Variants in GABBR2 observed in about 807,000 individuals in gnomAD.
GABBR2 encodes G-protein coupled receptor 51.
Under a neutral mutation model 105.6 loss-of-function variants are expected in GABBR2, and 23 were observed. The observed-to-expected ratio is 0.22, with a 90% CI of 0.16 to 0.31. The LOEUF is 0.31. Among genes scored for constraint, GABBR2 ranks in the 10% least tolerant of loss-of-function variants. The pLI, the probability that GABBR2 is intolerant of heterozygous loss-of-function variation, is 1.00. For missense variants in GABBR2, 734 were observed against 1,245.5 expected (o/e 0.59, Z 6.18); for synonymous variants, 478 against 499.7 (o/e 0.96, Z 0.58).
chr9:98,380,872 C>T (rs1831963120), intron 11 of GABBR2, among the ~76,000 whole-genome samples: 1 of 152,166 alleles, frequency 6.6e-6, no homozygotes. Flanking sequence ...AGGTTTCTGC[C>T]TGAGGGGGTA....
At chr9:98,539,635 C>G (rs1347800481) in intron 3 of GABBR2, among the ~76,000 whole-genome samples, 1 of 152,062 alleles carries the variant, frequency 6.6e-6, no homozygotes, top group Non-Finnish European at 1.5e-5. Context: ...AAAAGCAGGT[C>G]TGGCCGGGCC....
At chr9:98,549,552 T>C (rs1192855571) in intron 2 of GABBR2, among the ~76,000 whole-genome samples, 1 of 152,204 alleles carries the variant, frequency 6.6e-6, no homozygotes, top group Non-Finnish European at 1.5e-5. Context: ...TTAAGGTTCA[T>C]GATTGGTACC....
intron 1 of GABBR2, among the ~76,000 whole-genome samples, chr9:98,624,921 G>A (rs1228487073): frequency 6.6e-6 from 1 of 152,096 alleles, no homozygotes; most frequent in Non-Finnish European, 1.5e-5. Flanking sequence ...TGGAGAGGAG[G>A]GATCAGCCTG....
chr9:98,601,180 A>T (rs1227406635), intron 1 of GABBR2, among the ~76,000 whole-genome samples: 1 of 152,226 alleles, frequency 6.6e-6, no homozygotes, highest in Non-Finnish European at 1.5e-5. Flanking sequence ...CAGAATACCA[A>T]TGTAGATTGT....
intron 1 of GABBR2, among the ~76,000 whole-genome samples, chr9:98,654,376 C>T (rs1426647048): frequency 6.6e-6 from 1 of 152,122 alleles, no homozygotes; most frequent in Non-Finnish European, 1.5e-5. Flanking sequence ...CTTTAAGAGC[C>T]CATAATGGGG....
chr9:98,625,705 T>A (rs1224162173), intron 1 of GABBR2, among the ~76,000 whole-genome samples: 7 of 152,168 alleles, frequency 4.6e-5, no homozygotes, highest in Non-Finnish European at 7.3e-5. Context: ...CCCTCCGTCT[T>A]TAAGACAGAC....
At chr9:98,465,525 G>T (rs1826530552) in intron 6 of GABBR2, among the ~76,000 whole-genome samples, 1 of 152,200 alleles carries the variant, frequency 6.6e-6, no homozygotes, top group Non-Finnish European at 1.5e-5. Flanking sequence ...CCAGTTAAAG[G>T]ACTTCCAGGT....
At chr9:98,587,371 T>C (rs1208742280) in intron 1 of GABBR2, among the ~76,000 whole-genome samples, 1 of 152,210 alleles carries the variant, frequency 6.6e-6, no homozygotes, top group African/African-American at 2.4e-5. Flanking sequence ...TCCTACATCA[T>C]ACAGAGCTTG....
intron 1 of GABBR2, among the ~76,000 whole-genome samples, chr9:98,634,345 C>T (rs769968167): frequency 3.0e-4 from 46 of 152,206 alleles, no homozygotes; most frequent in African/African-American, 1.1e-3. Flanking sequence ...CCACCTGGAA[C>T]CCCAGAATGT....
At chr9:98,533,329 T>C (rs1478768153) in intron 3 of GABBR2, among the ~76,000 whole-genome samples, 1 of 152,124 alleles carries the variant, frequency 6.6e-6, no homozygotes, top group African/African-American at 2.4e-5. Context: ...CATTCCCTGC[T>C]GCTCTTCCAG....
intron 8 of GABBR2, among the ~76,000 whole-genome samples, chr9:98,397,831 G>A (rs763816550): frequency 5.3e-5 from 8 of 152,174 alleles, no homozygotes; most frequent in Non-Finnish European, 1.2e-4. Context: ...TCCTGTGTGT[G>A]TCCAGGGCTT....
chr9:98,521,845 A>G (rs1827873922), intron 3 of GABBR2, among the ~76,000 whole-genome samples: 1 of 152,214 alleles, frequency 6.6e-6, no homozygotes, highest in African/African-American at 2.4e-5. Context: ...CATAAAATGC[A>G]TATGGAACCT....
intron 7 of GABBR2, among the ~76,000 whole-genome samples, chr9:98,425,633 C>T (rs1228636206): frequency 1.3e-5 from 2 of 152,198 alleles, no homozygotes; most frequent in Admixed American, 6.5e-5. Context: ...ACCAGGTGGG[C>T]CACAGGCCTG....
intron 11 of GABBR2, among the ~76,000 whole-genome samples, chr9:98,376,245 A>C (rs1831871757): frequency 6.6e-6 from 1 of 152,212 alleles, no homozygotes; most frequent in South Asian, 2.1e-4. Flanking sequence ...GGGAGGGTGA[A>C]GGGCTTTCAC....
chr9:98,486,790 G>T (rs888402631), intron 4 of GABBR2, among the ~76,000 whole-genome samples: 2 of 152,250 alleles, frequency 1.3e-5, no homozygotes, highest in Non-Finnish European at 2.9e-5. Context: ...TGCCCCAACT[G>T]TCTGGCTGTA....
intron 1 of GABBR2, among the ~76,000 whole-genome samples, chr9:98,608,303 C>G (rs1829460026): frequency 6.6e-6 from 1 of 152,092 alleles, no homozygotes; most frequent in African/African-American, 2.4e-5. Context: ...ATTAAGATGC[C>G]GTCAATTGTC....
intron 13 of GABBR2, among the ~76,000 whole-genome samples, chr9:98,316,636 A>T (rs1830723610): frequency 6.6e-6 from 1 of 152,144 alleles, no homozygotes; most frequent in Non-Finnish European, 1.5e-5. Context: ...TTCCAGTAAG[A>T]CCAGGACAGT....
intron 1 of GABBR2, among the ~76,000 whole-genome samples, chr9:98,686,394 T>G (rs531073315): frequency 2.0e-5 from 3 of 151,982 alleles, no homozygotes; most frequent in South Asian, 2.1e-4. Flanking sequence ...AAATCTGTTT[T>G]TTTTGTTTTG....
At chr9:98,593,893 T>C (rs1331467454) in intron 1 of GABBR2, among the ~76,000 whole-genome samples, 19 of 152,156 alleles carry the variant, frequency 1.2e-4, no homozygotes, top group East Asian at 3.9e-4. Flanking sequence ...GCTGGGGACA[T>C]GGTGGTCACT....
Sources: allele counts gnomAD v4.1 joint callset (sites outside exome capture counted in the v4.1 genomes callset), GRCh38; gene constraint gnomAD v4.1.1; transcripts MANE v1.5; gene names NCBI Gene and HGNC (gene_info 2026-07-23, HGNC 2026-07-21).